Variants in CCSER1 observed in about 807,000 individuals in gnomAD.
CCSER1 encodes the protein coiled-coil serine rich protein 1, also known as serine-rich coiled-coil domain-containing protein 1.
CCSER1 carries 41 observed loss-of-function variants against 82.0 expected under a neutral mutation model. The ratio of observed to expected loss-of-function variants is 0.50; its 90% confidence interval spans 0.39 to 0.65. The LOEUF (loss-of-function observed/expected upper bound fraction) is 0.65. CCSER1 is among the 30% of genes least tolerant of loss of function. The pLI, the probability that CCSER1 is intolerant of heterozygous loss-of-function variation, is 0.00. For synonymous variants in CCSER1, 414 were observed against 383.9 expected (o/e 1.08, Z -0.92); for missense variants, 1,119 against 1,064.2 (o/e 1.05, Z -0.72).
At chr4:90,912,256 C>T (rs184130930) in intron 8 of CCSER1, among the ~76,000 whole-genome samples, 16 of 152,314 alleles carry the variant, frequency 1.1e-4, no homozygotes, top group East Asian at 9.7e-4. Context: ...GGCAGACTGA[C>T]ACCTCACAAG....
intron 1 of CCSER1, among the ~76,000 whole-genome samples, chr4:90,230,168 A>AT (rs1359959091): frequency 6.6e-6 from 1 of 152,060 alleles, no homozygotes; most frequent in Non-Finnish European, 1.5e-5. Flanking sequence ...CAGAATATAC[A>AT]TTTTTTTCAG....
intron 10 of CCSER1, among the ~76,000 whole-genome samples, chr4:91,387,385 T>C (rs755516279): frequency 6.6e-6 from 1 of 152,000 alleles, no homozygotes; most frequent in African/African-American, 2.4e-5. Context: ...ATTTCTGTCA[T>C]TTAGTCCCTG....
At chr4:90,228,928 A>G (rs1743837144) in intron 1 of CCSER1, among the ~76,000 whole-genome samples, 1 of 152,214 alleles carries the variant, frequency 6.6e-6, no homozygotes, top group African/African-American at 2.4e-5. Context: ...AGAAAAAAGA[A>G]TAAAAAGAAA....
At chr4:90,585,629 T>C (rs1045137973) in intron 5 of CCSER1, among the ~76,000 whole-genome samples, 2 of 152,218 alleles carry the variant, frequency 1.3e-5, no homozygotes, top group Non-Finnish European at 2.9e-5. Flanking sequence ...ATTATTAATA[T>C]AGAATTTTGT....
intron 8 of CCSER1, among the ~76,000 whole-genome samples, chr4:90,919,170 T>C (rs1195545993): frequency 1.3e-5 from 2 of 151,770 alleles, no homozygotes. Flanking sequence ...AAAATAGTTT[T>C]ATTTCCATCT....
At chr4:90,662,395 A>G (rs1730988351) in intron 6 of CCSER1, among the ~76,000 whole-genome samples, 1 of 152,086 alleles carries the variant, frequency 6.6e-6, no homozygotes, top group Admixed American at 6.6e-5. Context: ...ATTATATGGA[A>G]TAATATACTA....
chr4:90,816,983 T>C (rs1759104363), intron 8 of CCSER1, among the ~76,000 whole-genome samples: 1 of 152,206 alleles, frequency 6.6e-6, no homozygotes, highest in African/African-American at 2.4e-5. Flanking sequence ...TTTAGAAGAC[T>C]TATAAACTAG....
At chr4:91,405,898 G>T (rs987808764) in intron 10 of CCSER1, among the ~76,000 whole-genome samples, 1 of 152,226 alleles carries the variant, frequency 6.6e-6, no homozygotes, top group African/African-American at 2.4e-5. Context: ...AAGCCCCAGT[G>T]AGATGAACCT....
intron 10 of CCSER1, among the ~76,000 whole-genome samples, chr4:91,351,016 A>G (rs1430620464): frequency 6.6e-6 from 1 of 151,932 alleles, no homozygotes; most frequent in Non-Finnish European, 1.5e-5. Flanking sequence ...ACATGCATGT[A>G]TTTATTTGTA....
At chr4:91,086,414 T>C (rs576656678) in intron 10 of CCSER1, among the ~76,000 whole-genome samples, 1 of 152,246 alleles carries the variant, frequency 6.6e-6, no homozygotes, top group South Asian at 2.1e-4. Context: ...TGGCATATGC[T>C]ACTAGGTTGG....
intron 3 of CCSER1, among the ~76,000 whole-genome samples, chr4:90,336,294 G>T (rs1333335035): frequency 6.6e-6 from 1 of 152,184 alleles, no homozygotes; most frequent in Non-Finnish European, 1.5e-5. Context: ...TGGTGGTATA[G>T]ATTTAGTTAA....
intron 10 of CCSER1, among the ~76,000 whole-genome samples, chr4:91,167,943 C>T (rs938156283): frequency 4.0e-5 from 6 of 151,490 alleles, no homozygotes; most frequent in South Asian, 4.2e-4. Flanking sequence ...CACCTCTGCC[C>T]GGCCACCACC....
chr4:90,929,999 T>C (rs567141591), intron 9 of CCSER1, among the ~76,000 whole-genome samples: 1 of 152,180 alleles, frequency 6.6e-6, no homozygotes, highest in Non-Finnish European at 1.5e-5. Flanking sequence ...ATGTATACAA[T>C]TTGTCAGTTA....
chr4:90,231,393 C>A (rs1024830559), intron 1 of CCSER1, among the ~76,000 whole-genome samples: 1 of 151,426 alleles, frequency 6.6e-6, no homozygotes, highest in East Asian at 1.9e-4. Flanking sequence ...TCAATAGATG[C>A]GGAAAAGGCC....
rs981143733 is a variant in CCSER1 at position 90,757,327 on chromosome 4, T to A, written c.2010+33336T>A. 2.0e-5 allele frequency among the ~76,000 whole-genome samples: 3 copies of A among 152,214 alleles called. No homozygotes were observed. The East Asian group carries it at 5.8e-4, about 29-fold the overall frequency. ...AGCAGATTGGCTGTTTCAAAGTTACTGTCCTTTTAAAGGTTAAAGCAGATG... is the reference window on the plus strand; with the variant it reads ...AGCAGATTGGCTGTTTCAAAGTTACAGTCCTTTTAAAGGTTAAAGCAGATG... On this transcript the variant is annotated intron_variant, in intron 7 of 10. Transcript: ENST00000509176.
chr4:90,199,816 G>A (rs11936658), intron 1 of CCSER1, among the ~76,000 whole-genome samples: 1 of 151,814 alleles, frequency 6.6e-6, no homozygotes, highest in Non-Finnish European at 1.5e-5. Context: ...GAAGCATGTC[G>A]ATGTGCCCAT....
chr4:90,934,649 C>T (rs1422353778), intron 9 of CCSER1, among the ~76,000 whole-genome samples: 1 of 152,100 alleles, frequency 6.6e-6, no homozygotes, highest in East Asian at 1.9e-4. Context: ...GGGGGACTAT[C>T]TGCTGGGCAT....
chr4:90,639,370 A>G (rs549928183), intron 6 of CCSER1, among the ~76,000 whole-genome samples: 2 of 152,148 alleles, frequency 1.3e-5, no homozygotes, highest in African/African-American at 4.8e-5. Context: ...AACTAAAACT[A>G]GAAGGATTAT....
intron 9 of CCSER1, among the ~76,000 whole-genome samples, chr4:90,949,418 TA>T (rs938345735): frequency 2.6e-5 from 4 of 152,016 alleles, no homozygotes; most frequent in African/African-American, 4.8e-5. Flanking sequence ...ATTAAACTGC[TA>T]AAAAAAATCA....
Sources: gnomAD v4.1 joint callset for allele counts (sites outside exome capture counted in the v4.1 genomes callset) on GRCh38, gnomAD v4.1.1 for gene constraint, MANE v1.5 for transcripts, NCBI Gene and HGNC (gene_info 2026-07-23, HGNC 2026-07-21) for gene names.